The following PTPN13 variants were observed in gnomAD, a reference collection of about 807,000 sequenced individuals.
The protein encoded by PTPN13 is protein tyrosine phosphatase non-receptor type 13.
PTPN13 carries 191 observed loss-of-function variants against 284.0 expected under a neutral mutation model. That is an observed-to-expected ratio of 0.67 (90% CI 0.60 to 0.76). The LOEUF (loss-of-function observed/expected upper bound fraction) is 0.76. PTPN13 is among the 30% of genes least tolerant of loss of function. The probability of loss-of-function intolerance (pLI) is 0.00; values close to 1 mark genes in which losing one functional copy is unlikely to be tolerated. For missense variants in PTPN13, 2,797 were observed against 2,939.9 expected, an observed-to-expected ratio of 0.95 and a Z score of 1.12; for synonymous variants, 986 against 1,022.3, an observed-to-expected ratio of 0.96 and a Z score of 0.68.
rs549486620 is a variant in PTPN13, at chr4:86,670,338, G to A, written c.116-2027G>A. Among the ~76,000 whole-genome samples, 7 of 150,442 alleles carry A rather than the reference G, an allele frequency of 4.7e-5. No homozygotes were observed. In the East Asian group the frequency reaches 1.4e-3, roughly 29 times the overall value. On this transcript the variant is annotated intron_variant, in intron 2 of 47. Transcript: ENST00000411767. The stretch of plus-strand genomic sequence containing the variant: ...CAAATGTATAACAGATATCTTAAAT[G>A]TAATAGGTTCCAAAGTTCTAATTCC...
chr4:86,629,754 A>C (rs1216359904), intron 1 of PTPN13, among the ~76,000 whole-genome samples: 1 of 152,022 alleles, frequency 6.6e-6, no homozygotes, highest in Non-Finnish European at 1.5e-5. Context: ...TAAAAATTCT[A>C]AAACCTATGT....
chr4:86,732,739 C>T lies in PTPN13; in HGVS notation c.1831C>T (p.His611Tyr), dbSNP rs760516906. ...GGCACATATTGGCTTAGTAGAGCATCATTTGTTTGCTTTAGCTACCCTCAA... is the reference window on the plus strand; with the variant it reads ...GGCACATATTGGCTTAGTAGAGCATTATTTGTTTGCTTTAGCTACCCTCAA... The part of the protein sequence containing the change: ...VVAHIGLVEH[H>Y]LFALATLKDN... Residue 611 changes from histidine (H) to tyrosine (Y), a missense_variant, in exon 12 of 48, where the codon CAT becomes TAT. Physicochemically the swap from His to Tyr is moderately conservative, Grantham distance 83. Transcript: ENST00000411767. 1.2e-6 allele frequency: 2 copies of T among 1,613,002 alleles called. No homozygotes were observed. The highest frequency in any genetic ancestry group is 3.3e-5 in the Admixed American group (2 of 59,922).
In PTPN13 at chr4:86,762,947, A is replaced by G. The variant is rs761967581; in HGVS notation, c.3774A>G (p.Gln1258=). The G allele has an allele frequency of 7.4e-6, 12 of 1,613,800 alleles. No homozygotes were observed. The East Asian group carries it at 2.7e-4, about 36-fold the overall frequency. ...DSRTESASLS[Q]SQVNGFFASH... ...GGACTGAGAGTGCCAGCTTGTCTCA[A>G]AGCCAGGTCAATGGTTTCTTTGCCA... Residue 1258 remains glutamine (Q), a synonymous_variant, in exon 24 of 48, where the codon CAA becomes CAG. Coordinates refer to ENST00000411767, the MANE Select transcript of PTPN13 (RefSeq NM_080683.3).
At position 86,758,242 on chromosome 4, in the gene PTPN13, AT is replaced by A; in HGVS notation, c.3224-16del. On this transcript the variant is annotated splice_polypyrimidine_tract_variant and intron_variant, in intron 20 of 47. Transcript: ENST00000411767. ...CTGAGCATGTTATATTTATTTTTAA[AT>A]TATAAATTCCCAATAGATGTGCTAC... The A allele has an allele frequency of 6.5e-7, 1 of 1,539,304 alleles. No individual in the cohort carries two copies. The highest frequency in any genetic ancestry group is 8.9e-7 in the Non-Finnish European group (1 of 1,123,930).
intron 1 of PTPN13, among the ~76,000 whole-genome samples, chr4:86,621,197 G>A (rs1721198674): frequency 6.6e-6 from 1 of 152,036 alleles, no homozygotes; most frequent in Admixed American, 6.5e-5. Flanking sequence ...CTTTGTTGTG[G>A]GTGTGATCAC....
At chr4:86,638,849 G>A (rs895278197) in intron 2 of PTPN13, among the ~76,000 whole-genome samples, 3 of 152,114 alleles carry the variant, frequency 2.0e-5, no homozygotes, top group Admixed American at 6.5e-5. Context: ...TTAAACTAAA[G>A]AGCTTCTGCA....
intron 5 of PTPN13, among the ~76,000 whole-genome samples, chr4:86,690,460 T>C (rs183576464): frequency 4.3e-4 from 66 of 152,250 alleles, no homozygotes; most frequent in Middle Eastern, 6.8e-3. Context: ...ACTATATTAC[T>C]AACCTTCAAG....
intron 40 of PTPN13, among the ~76,000 whole-genome samples, chr4:86,796,615 C>G (rs1743371853): frequency 6.6e-6 from 1 of 152,166 alleles, no homozygotes; most frequent in Non-Finnish European, 1.5e-5. Context: ...GACTCTAGCC[C>G]AGGCAACAGA....
chr4:86,693,371 C>A (rs947046350), intron 5 of PTPN13, among the ~76,000 whole-genome samples: 2 of 152,018 alleles, frequency 1.3e-5, no homozygotes, highest in Non-Finnish European at 2.9e-5. Flanking sequence ...CTGCTTCTTC[C>A]CTTTTAATTT....
rs193169363 is a variant in PTPN13, at chr4:86,703,815, T to C, written c.1195+2014T>C. ...GCTGAGAAGTTTGAAGCTGCAGTGA[T>C]CTGTCATCAAGCCACTGCACTCTAG... is the stretch of plus-strand genomic sequence containing the variant. On this transcript the variant is annotated intron_variant, in intron 7 of 47. Coordinates refer to ENST00000411767, the MANE Select transcript of PTPN13 (RefSeq NM_080683.3). Among the ~76,000 whole-genome samples the C allele has an allele frequency of 2.1e-3, 322 of 152,140 alleles. 1 individual carries two copies. The highest frequency in any genetic ancestry group is 3.7e-3 in the Non-Finnish European group (254 of 67,966).
chr4:86,805,380 G>T lies in PTPN13; in HGVS notation c.6745+11G>T, dbSNP rs768861989. The stretch of plus-strand genomic sequence containing the variant: ...AAAATATACTTCCCTGTAAGTTCCA[G>T]TTTGGCTTCAGATTTAATATGTGAT... On this transcript the variant is annotated intron_variant, in intron 44 of 47. Coordinates refer to ENST00000411767, the MANE Select transcript of PTPN13 (RefSeq NM_080683.3). 61 of 1,533,280 alleles carry T rather than the reference G, an allele frequency of 4.0e-5. No homozygotes were observed. Among genetic ancestry groups the T allele is most frequent in the Non-Finnish European group, 5.3e-5 (59 of 1,119,552 alleles). 95.0% of individuals were successfully genotyped at this position (1,533,280 alleles called of 1,614,324 possible). A position where few individuals can be genotyped will look rare whatever the true frequency, so the allele number is the denominator to read the frequency against.
At chr4:86,606,673 A>G (rs967439174) in intron 1 of PTPN13, among the ~76,000 whole-genome samples, 1 of 151,948 alleles carries the variant, frequency 6.6e-6, no homozygotes, top group Non-Finnish European at 1.5e-5. Flanking sequence ...AATGCAATTC[A>G]ATAAATAGGT....
chr4:86,743,289 T>G (rs971971967), intron 16 of PTPN13, among the ~76,000 whole-genome samples: 1 of 152,198 alleles, frequency 6.6e-6, no homozygotes, highest in Non-Finnish European at 1.5e-5. Context: ...CTGGCATTTT[T>G]TGTGTGTGAT....
Position 86,780,295 on chromosome 4 carries a change from G to C in PTPN13, c.5892-107G>C. The C allele has an allele frequency of 4.6e-6, 4 of 867,294 alleles. No homozygotes were observed. The South Asian group carries it at 5.8e-5, about 13-fold the overall frequency. 53.7% of individuals were successfully genotyped at this position (867,294 alleles called of 1,614,324 possible). Reference sequence around the variant, plus strand: ...CATGCCTGTGGTCCCAGCTCCTTGGGAGGCTGAGGTGGGAGCATTGCTTGA... The same window carrying C: ...CATGCCTGTGGTCCCAGCTCCTTGGCAGGCTGAGGTGGGAGCATTGCTTGA... On this transcript the variant is annotated intron_variant, in intron 35 of 47. Transcript: ENST00000411767.
rs1187357402 is a variant in PTPN13, at chr4:86,785,319, C to T, written c.6207C>T (p.Ala2069=). ...QSLLDVVDEE[A]QNLLNENNAA... is the part of the protein sequence containing the mutation. ...TGCTGGATGTTGTGGATGAGGAAGC[C>T]CAGAATCTTTTAAACGAAAATAATG... Residue 2069 remains alanine, a synonymous_variant, in exon 39 of 48, where the codon GCC becomes GCT. Coordinates refer to ENST00000411767, the MANE Select transcript of PTPN13 (RefSeq NM_080683.3). 2.5e-6 allele frequency: 4 copies of T among 1,610,666 alleles called. No individual in the cohort carries two copies. The African/African-American group carries it at 5.4e-5, about 22-fold the overall frequency.
At chr4:86,643,146 A>C (rs890594010) in intron 2 of PTPN13, among the ~76,000 whole-genome samples, 4 of 152,224 alleles carry the variant, frequency 2.6e-5, no homozygotes, top group Non-Finnish European at 5.9e-5. Context: ...TTCCCTGTCT[A>C]ATAAATAAAA....
chr4:86,612,305 GAC>G (rs1320176141), intron 1 of PTPN13, among the ~76,000 whole-genome samples: 2 of 152,126 alleles, frequency 1.3e-5, no homozygotes, highest in Non-Finnish European at 2.9e-5. Flanking sequence ...TCTCAAAACT[GAC>G]ACAGAGGTTA....
intron 44 of PTPN13, among the ~76,000 whole-genome samples, chr4:86,805,624 T>C (rs1744568292): frequency 6.6e-6 from 1 of 152,230 alleles, no homozygotes; most frequent in African/African-American, 2.4e-5. Flanking sequence ...GTATACAGTA[T>C]TAGAAATTAG....
intron 5 of PTPN13, chr4:86,689,613 C>A: frequency 2.9e-6 from 2 of 701,502 alleles, no homozygotes; most frequent in Non-Finnish European, 5.2e-6. Context: ...TTGTCTGGAT[C>A]TTCTAGGTAT....
Sources: allele counts gnomAD v4.1 joint callset (sites outside exome capture counted in the v4.1 genomes callset), GRCh38; gene constraint gnomAD v4.1.1; transcripts MANE v1.5; gene names NCBI Gene and HGNC (gene_info 2026-07-23, HGNC 2026-07-21).